Variants in EDEM2 observed in about 807,000 individuals in gnomAD.
EDEM2 encodes the protein ER degradation enhancing alpha-mannosidase like protein 2, also known as ER degradation-enhancing alpha-mannosidase-like protein 2.
EDEM2 carries 39 observed loss-of-function variants against 64.8 expected under a neutral mutation model. The ratio of observed to expected loss-of-function variants is 0.60; its 90% confidence interval spans 0.47 to 0.79. EDEM2 has a LOEUF of 0.79. Among genes scored for constraint, EDEM2 ranks in the 30% least tolerant of loss-of-function variants. The probability of loss-of-function intolerance (pLI) is 0.00; values close to 1 mark genes in which losing one functional copy is unlikely to be tolerated. For missense variants in EDEM2, 609 were observed against 731.3 expected (o/e 0.83, Z 1.93); for synonymous variants, 296 against 291.5 (o/e 1.02, Z -0.16).
intron 10 of EDEM2, 69 bp from the exon 11 acceptor site, chr20:35,116,002 T>C: frequency 2.0e-6 from 3 of 1,536,808 alleles, no homozygotes; most frequent in Non-Finnish European, 2.7e-6. Context: ...AGGCAATCCC[T>C]TAAGAAGGCC....
intron 5 of EDEM2, among the ~76,000 whole-genome samples, chr20:35,136,045 G>T (rs182943918): frequency 6.6e-6 from 1 of 152,142 alleles, no homozygotes; most frequent in South Asian, 2.1e-4. Context: ...CAGCCTATGC[G>T]TCACCAAACT....
chr20:35,141,934 T>C (rs2085660132), intron 4 of EDEM2, among the ~76,000 whole-genome samples: 1 of 152,216 alleles, frequency 6.6e-6, no homozygotes, highest in African/African-American at 2.4e-5. Flanking sequence ...AATTCCATAG[T>C]TGTAGTAGAT....
At chr20:35,130,290 G>T (rs1206949040) in intron 7 of EDEM2, among the ~76,000 whole-genome samples, 1 of 151,842 alleles carries the variant, frequency 6.6e-6, no homozygotes. Context: ...GGCTGATCTT[G>T]AACTTCTGGG....
chr20:35,125,321 G>C (rs1347506979), intron 8 of EDEM2, among the ~76,000 whole-genome samples: 1 of 151,518 alleles, frequency 6.6e-6, no homozygotes, highest in Admixed American at 6.6e-5. Context: ...GCAGTCTCCT[G>C]AGTAGCTGGG....
At chr20:35,126,759 A>G (rs940971569) in intron 7 of EDEM2, among the ~76,000 whole-genome samples, 4 of 152,084 alleles carry the variant, frequency 2.6e-5, no homozygotes, top group African/African-American at 9.7e-5. Flanking sequence ...CTAAAAATAC[A>G]AAATTAGCCA....
intron 6 of EDEM2, among the ~76,000 whole-genome samples, chr20:35,133,662 T>G (rs1363148265): frequency 6.6e-6 from 1 of 152,028 alleles, no homozygotes; most frequent in Non-Finnish European, 1.5e-5. Context: ...AGATGGGGTT[T>G]CTCCATGTTG....
chr20:35,138,111 C>G, intron 4 of EDEM2, 106 bp from the exon 5 acceptor site: 1 of 1,448,942 alleles, frequency 6.9e-7, no homozygotes, highest in Admixed American at 2.2e-5. Context: ...TTGTGGGGCG[C>G]ATGTTCTCAG....
intron 9 of EDEM2, among the ~76,000 whole-genome samples, chr20:35,120,584 C>T (rs1226958400): frequency 2.1e-5 from 3 of 142,852 alleles, no homozygotes; most frequent in African/African-American, 5.1e-5. Context: ...CTTCTTTTTT[C>T]GGCTTCTTCT....
chr20:35,125,915 C>T (rs1196240120), intron 8 of EDEM2, among the ~76,000 whole-genome samples: 1 of 152,112 alleles, frequency 6.6e-6, no homozygotes, highest in East Asian at 1.9e-4. Flanking sequence ...TGCTTCCTGC[C>T]CTTCCTGAGG....
At chr20:35,139,212 TG>T (rs2085618319) in intron 4 of EDEM2, among the ~76,000 whole-genome samples, 1 of 151,856 alleles carries the variant, frequency 6.6e-6, no homozygotes, top group Admixed American at 6.6e-5. Context: ...TAGCTGGGCG[TG>T]GTGGCAAGCG....
rs776616178 is a variant in EDEM2, at chr20:35,147,284, C to G, written c.-26G>C. The G allele has an allele frequency of 2.7e-6, 4 of 1,487,700 alleles. No individual in the cohort carries two copies. Among genetic ancestry groups the G allele is most frequent in the Non-Finnish European group, 2.7e-6 (3 of 1,115,410 alleles). The allele number at this position is 1,487,700 out of a possible 1,614,324, so 92.2% of individuals were successfully genotyped here. A position where few individuals can be genotyped will look rare whatever the true frequency, so the allele number is the denominator to read the frequency against. ...AGAGCTCGTGTCCTCTCAGCGCCCC[C>G]GCAGCAGCAGCAGCCACTGCAACCA... On this transcript the variant is annotated 5_prime_UTR_variant, in exon 1 of 11. Coordinates refer to ENST00000374492, the MANE Select transcript of EDEM2 (RefSeq NM_018217.3).
chr20:35,128,609 G>A (rs2085467714), intron 7 of EDEM2, among the ~76,000 whole-genome samples: 1 of 148,972 alleles, frequency 6.7e-6, no homozygotes, highest in Admixed American at 6.7e-5. Flanking sequence ...GGTCCTTCAA[G>A]GAATTCCAGA....
At chr20:35,136,808 G>T (rs540634453) in intron 5 of EDEM2, among the ~76,000 whole-genome samples, 2 of 151,522 alleles carry the variant, frequency 1.3e-5, no homozygotes, top group Admixed American at 1.3e-4. Flanking sequence ...AAGTGAGATG[G>T]CCAAGAGGTG....
intron 9 of EDEM2, among the ~76,000 whole-genome samples, chr20:35,119,400 G>T (rs1375713630): frequency 3.9e-5 from 6 of 152,044 alleles, no homozygotes; most frequent in African/African-American, 1.4e-4. Context: ...TTTGAGACCA[G>T]CCTGGGCAAC....
intron 4 of EDEM2, among the ~76,000 whole-genome samples, chr20:35,141,335 A>G (rs897033716): frequency 1.3e-5 from 2 of 152,180 alleles, no homozygotes; most frequent in African/African-American, 4.8e-5. Flanking sequence ...AAAAAGATAC[A>G]TGGGAAAATG....
chr20:35,140,686 A>C (rs972052617), intron 4 of EDEM2, among the ~76,000 whole-genome samples: 22 of 152,224 alleles, frequency 1.4e-4, no homozygotes, highest in Non-Finnish European at 2.8e-4. Context: ...TTGATAAGTT[A>C]TGTTTGTTAA....
At chr20:35,144,327 T>G (rs1321449228) in intron 3 of EDEM2, among the ~76,000 whole-genome samples, 1 of 152,180 alleles carries the variant, frequency 6.6e-6, no homozygotes, top group South Asian at 2.1e-4. Flanking sequence ...TAGTCACTGA[T>G]ATTATTTCTT....
At position 35,131,653 on chromosome 20, in the gene EDEM2, G is replaced by A; in HGVS notation, c.833C>T (p.Ala278Val). The A allele has an allele frequency of 6.2e-7, 1 of 1,614,002 alleles. No homozygotes were observed. Among genetic ancestry groups the A allele is most frequent in the Non-Finnish European group, 8.5e-7 (1 of 1,179,910 alleles). The change falls in exon 7 of 11, where the codon GCC (alanine) becomes GTC (valine). Residue 278 changes from alanine to valine, a missense_variant. Ala to Val is a moderately conservative substitution (Grantham distance 64). Transcript: ENST00000374492. Reference sequence around the variant, plus strand: ...TCTGCCATTTTTACCTAGGAACATGGCCATGAGCTTCTTATCCTGAAGCAG... The same window carrying A: ...TCTGCCATTTTTACCTAGGAACATGACCATGAGCTTCTTATCCTGAAGCAG... ...AILLQDKKLM[A>V]MFLEYNKAIR...
intron 3 of EDEM2, among the ~76,000 whole-genome samples, chr20:35,143,711 T>C (rs902345686): frequency 6.6e-6 from 1 of 152,162 alleles, no homozygotes; most frequent in East Asian, 1.9e-4. Flanking sequence ...GTACTTGACC[T>C]GAACCAGTCC....
Sources: allele counts gnomAD v4.1 joint callset (sites outside exome capture counted in the v4.1 genomes callset), GRCh38; gene constraint gnomAD v4.1.1; transcripts MANE v1.5; gene names NCBI Gene and HGNC (gene_info 2026-07-23, HGNC 2026-07-21).